Variants in STT3A observed in about 807,000 individuals in gnomAD.
The protein encoded by STT3A is dolichyl-diphosphooligosaccharide--protein glycosyltransferase subunit STT3A.
Under a neutral mutation model 89.2 loss-of-function variants are expected in STT3A, and 34 were observed. The observed-to-expected ratio is 0.38, with a 90% CI of 0.29 to 0.51. The LOEUF is 0.51. Ranked by LOEUF, STT3A falls within the 20% of genes least tolerant of loss-of-function variation. The pLI, the probability that STT3A is intolerant of heterozygous loss-of-function variation, is 0.89. For missense variants in STT3A, 555 were observed against 889.5 expected (o/e 0.62, Z 4.78); for synonymous variants, 282 against 310.3 (o/e 0.91, Z 0.96).
chr11:125,604,057 G>GT (rs1939765819), intron 5 of STT3A, 100 bp from the exon 6 acceptor site: 2 of 1,255,916 alleles, frequency 1.6e-6, no homozygotes, highest in Non-Finnish European at 2.3e-6. Context: ...TTGTTGGACT[G>GT]TTTTCTGGGC....
At chr11:125,595,513 C>G (rs1276222763) in intron 1 of STT3A, among the ~76,000 whole-genome samples, 1 of 152,006 alleles carries the variant, frequency 6.6e-6, no homozygotes, top group Non-Finnish European at 1.5e-5. Context: ...CTTGAGTGCT[C>G]TCTTTCTCCA....
At position 125,602,453 on chromosome 11, in the gene STT3A, T is replaced by TAAA. The variant is rs58579660; in HGVS notation, c.271+37_271+39dup. 1.1e-4 allele frequency: 148 copies of TAAA among 1,307,088 alleles called. No individual in the cohort carries two copies. The African/African-American group carries it at 1.8e-3, about 16-fold the overall frequency. The allele number at this position is 1,307,088 out of a possible 1,614,324, so 81.0% of individuals were successfully genotyped here. ...AGGAGACCAGATGTGTTTTTTTTTT[T>TAAA]AAAAAAAAAACAGAAATATTTGTAT... is the stretch of plus-strand genomic sequence containing the variant. On this transcript the variant is annotated intron_variant, in intron 4 of 17. Coordinates refer to ENST00000392708, the MANE Select transcript of STT3A (RefSeq NM_152713.5).
rs1198468444 is a variant in STT3A, at chr11:125,608,187, C to T, written c.859C>T (p.Arg287Cys). The change falls in exon 9 of 18, where the codon CGC becomes TGC. Residue 287 changes from arginine (R) to cysteine (C), a missense_variant. This residue lies in a region of STT3A where 149 missense variants were observed against 206.2 expected (regional missense o/e 0.72). Transcript: ENST00000392708. ...GATCCATGCCTTTGTGGATTACCTG[C>T]GCAGCAAGTTGAATCCACAACAATT... ...CQIHAFVDYL[R>C]SKLNPQQFEV... The T allele has an allele frequency of 7.4e-6, 12 of 1,614,070 alleles. No homozygotes were observed. Among genetic ancestry groups the T allele is most frequent in the Admixed American group, 6.7e-5 (4 of 60,004 alleles).
At chr11:125,605,809 A>G (rs1939817630) in intron 7 of STT3A, 74 bp downstream of exon 7, 3 of 1,318,682 alleles carry the variant, frequency 2.3e-6, no homozygotes, top group Middle Eastern at 1.9e-4. Flanking sequence ...TTATTGTTTG[A>G]CCAACTTTCT....
In STT3A at chr11:125,620,869, GATTTTTTTTTT is replaced by G; in HGVS notation, c.*60_*70del. Reference sequence around the variant, plus strand: ...AGCACATCACATTTAGGACGTTGAAGATTTTTTTTTTTTTTTTTTTTTAATATGCAGTTTGT... The same window carrying G: ...AGCACATCACATTTAGGACGTTGAAGTTTTTTTTTTTAATATGCAGTTTGT... On this transcript the variant is annotated 3_prime_UTR_variant, in exon 18 of 18. Coordinates refer to ENST00000392708, the MANE Select transcript of STT3A (RefSeq NM_152713.5). The G allele has an allele frequency of 2.4e-6, 2 of 841,900 alleles. No individual in the cohort carries two copies. The highest frequency in any genetic ancestry group is 3.4e-6 in the Non-Finnish European group (2 of 590,134). The allele number at this position is 841,900 out of a possible 1,614,324, so 52.2% of individuals were successfully genotyped here. A position where few individuals can be genotyped will look rare whatever the true frequency, so the allele number is the denominator to read the frequency against.
chr11:125,605,137 GAAAA>G (rs57173218), intron 6 of STT3A, among the ~76,000 whole-genome samples: 4 of 146,158 alleles, frequency 2.7e-5, no homozygotes, highest in African/African-American at 7.6e-5. Flanking sequence ...ATTTTTTTAA[GAAAA>G]AAAAAAAGCA....
rs1939516469 is a variant in STT3A at position 125,596,935 on chromosome 11, T to G, written c.89-124T>G. 3.8e-6 allele frequency: 4 copies of G among 1,043,898 alleles called. No homozygotes were observed. The South Asian group carries it at 4.4e-5, about 11-fold the overall frequency. 64.7% of individuals were successfully genotyped at this position (1,043,898 alleles called of 1,614,324 possible). On this transcript the variant is annotated intron_variant, in intron 2 of 17. Coordinates refer to ENST00000392708, the MANE Select transcript of STT3A (RefSeq NM_152713.5). ...GGGGAAAGATGGATAAAGACTTTATTCAGGGATTATTTTATATTTTCTGTG... is the reference window on the plus strand; with the variant it reads ...GGGGAAAGATGGATAAAGACTTTATGCAGGGATTATTTTATATTTTCTGTG...
At position 125,620,677 on chromosome 11, in the gene STT3A, A is replaced by C; in HGVS notation, c.2080-95A>C. On this transcript the variant is annotated intron_variant, in intron 17 of 17. Transcript: ENST00000392708. ...CCTAAACCAGGCTGCAGAACCCAAC[A>C]TAATCCTGCCCACTCTGGGTGAATC... is the stretch of plus-strand genomic sequence containing the variant. 5.0e-6 allele frequency: 6 copies of C among 1,208,430 alleles called. No homozygotes were observed. In the East Asian group the frequency reaches 1.4e-4, roughly 29 times the overall value. The allele number at this position is 1,208,430 out of a possible 1,614,324, so 74.9% of individuals were successfully genotyped here. A position where few individuals can be genotyped will look rare whatever the true frequency, so the allele number is the denominator to read the frequency against.
Position 125,611,528 on chromosome 11 carries a change from GC to G in STT3A, c.1209+12del, listed in dbSNP as rs763856652. 1 of 1,612,452 alleles carries G rather than the reference GC, an allele frequency of 6.2e-7. No individual in the cohort carries two copies. The highest frequency in any genetic ancestry group is 1.3e-5 in the African/African-American group (1 of 74,990). ...ACTTTTCAGCTGTAATGGTGAGGAT[GC>G]CCTCAGTCTGGTAGACTTTTTCACT... On this transcript the variant is annotated intron_variant, in intron 11 of 17. Coordinates refer to ENST00000392708, the MANE Select transcript of STT3A (RefSeq NM_152713.5).
chr11:125,620,664 T>C, intron 17 of STT3A, 108 bp from the exon 18 acceptor site: 1 of 1,004,462 alleles, frequency 1.0e-6, no homozygotes, highest in Non-Finnish European at 1.5e-6. Context: ...TAAACCAGGC[T>C]GCAGAACCCA....
Position 125,619,923 on chromosome 11 carries a change from T to C in STT3A, c.1964-88T>C, listed in dbSNP as rs545995234. 5.5e-6 allele frequency: 6 copies of C among 1,096,004 alleles called. No individual in the cohort carries two copies. In the African/African-American group the frequency reaches 9.4e-5, roughly 17 times the overall value. The allele number at this position is 1,096,004 out of a possible 1,614,324, so 67.9% of individuals were successfully genotyped here. On this transcript the variant is annotated intron_variant, in intron 16 of 17. Transcript: ENST00000392708. ...TTGCAGGCTGAGGAATAATCATCAATTAGTAGATGGTTTCCTGAATCCATA... is the reference window on the plus strand; with the variant it reads ...TTGCAGGCTGAGGAATAATCATCAACTAGTAGATGGTTTCCTGAATCCATA...
chr11:125,618,711 T>C, intron 16 of STT3A, 150 bp downstream of exon 16: 4 of 738,986 alleles, frequency 5.4e-6, no homozygotes, highest in Non-Finnish European at 8.0e-6. Context: ...ACTGATATTA[T>C]TGTCATATTA....
chr11:125,599,723 T>TTTA lies in STT3A; in HGVS notation c.150-2562_150-2560dup, dbSNP rs1310560522. Among the ~76,000 whole-genome samples the TTTA allele has an allele frequency of 8.8e-5, 13 of 147,856 alleles. No individual in the cohort carries two copies. The East Asian group carries it at 1.6e-3, about 18-fold the overall frequency. On this transcript the variant is annotated intron_variant, in intron 3 of 17. Transcript: ENST00000392708. ...TACACCGGCCTCTTCTTTATTTTTA[T>TTTA]TTATTATTATTATTATTATTTTTTG... is the stretch of plus-strand genomic sequence containing the variant.
chr11:125,605,836 C>T, intron 7 of STT3A, 101 bp downstream of exon 7: 1 of 1,016,030 alleles, frequency 9.8e-7, no homozygotes, highest in Non-Finnish European at 1.4e-6. Context: ...GTAGGTTCCC[C>T]TAAATTTTTT....
Position 125,596,021 on chromosome 11 carries a change from C to T in STT3A, c.88+18C>T. 6.4e-7 allele frequency: 1 copy of T among 1,567,114 alleles called. No individual in the cohort carries two copies. Among genetic ancestry groups the T allele is most frequent in the Non-Finnish European group, 8.7e-7 (1 of 1,147,226 alleles). Reference sequence around the variant, plus strand: ...TGTATTATGTGAGTGTGCATGTGAACCTCTCTTTCTTTGGGGATAGAAAGA... The same window carrying T: ...TGTATTATGTGAGTGTGCATGTGAATCTCTCTTTCTTTGGGGATAGAAAGA... On this transcript the variant is annotated intron_variant, in intron 2 of 17. Coordinates refer to ENST00000392708, the MANE Select transcript of STT3A (RefSeq NM_152713.5).
intron 3 of STT3A, among the ~76,000 whole-genome samples, chr11:125,598,345 T>C (rs1432451745): frequency 6.6e-6 from 1 of 152,256 alleles, no homozygotes; most frequent in African/African-American, 2.4e-5. Context: ...GTAGTCACTG[T>C]GTTATATTGC....
chr11:125,611,356 A>C, intron 10 of STT3A, 72 bp from the exon 11 acceptor site: 1 of 1,158,808 alleles, frequency 8.6e-7, no homozygotes, highest in South Asian at 1.3e-5. Context: ...CAGTCATATA[A>C]TGAAGATACT....
At chr11:125,611,964 G>A (rs1940037721) in intron 11 of STT3A, among the ~76,000 whole-genome samples, 1 of 130,684 alleles carries the variant, frequency 7.7e-6, no homozygotes, top group Non-Finnish European at 1.6e-5. Context: ...CACAACTGCC[G>A]CCTGCTGGGT....
At position 125,611,863 on chromosome 11, in the gene STT3A, A is replaced by ATTTTT. The variant is rs59685125; in HGVS notation, c.1209+371_1209+375dup. Among the ~76,000 whole-genome samples the ATTTTT allele has an allele frequency of 1.0e-2, 569 of 56,952 alleles. 96 individuals carry two copies. The highest frequency in any genetic ancestry group is 0.013 in the Non-Finnish European group (416 of 31,192). 37.4% of individuals were successfully genotyped at this position (56,952 alleles called of 152,430 possible). On this transcript the variant is annotated intron_variant, in intron 11 of 17. Transcript: ENST00000392708. ...CTAGATTGTTAGAGGAGGGATTTGA[A>ATTTTT]TTTTTTTTTTTTTTTTTTTTTTTTT...
Sources: gnomAD v4.1 joint callset for allele counts (sites outside exome capture counted in the v4.1 genomes callset) on GRCh38, gnomAD v4.1.1 for gene constraint, gnomAD v4.1.1 regional missense constraint, MANE v1.5 for transcripts, NCBI Gene and HGNC (gene_info 2026-07-23, HGNC 2026-07-21) for gene names.